MECOM: variants seen among roughly 807,000 people sequenced by gnomAD.
MECOM encodes the protein histone-lysine N-methyltransferase MECOM.
A neutral mutation model predicts 116.3 loss-of-function variants in MECOM; 13 were observed. That is an observed-to-expected ratio of 0.11 (90% CI 0.07 to 0.18). The LOEUF (loss-of-function observed/expected upper bound fraction) is 0.18. Ranked by LOEUF, MECOM falls within the 10% of genes least tolerant of loss-of-function variation. The pLI, the probability that MECOM is intolerant of heterozygous loss-of-function variation, is 1.00. For missense variants in MECOM, 1,299 were observed against 1,509.0 expected (o/e 0.86, Z 2.31); for synonymous variants, 528 against 535.2 (o/e 0.99, Z 0.19).
chr3:169,382,849 C>CAAAA (rs1157852145), intron 1 of MECOM, among the ~76,000 whole-genome samples: 32 of 47,130 alleles, frequency 6.8e-4, no homozygotes, highest in Middle Eastern at 0.011. Flanking sequence ...AAGCCCATCT[C>CAAAA]AAAAAAAAAA....
intron 1 of MECOM, among the ~76,000 whole-genome samples, chr3:169,513,227 G>A (rs1285545610): frequency 6.6e-6 from 1 of 152,188 alleles, no homozygotes; most frequent in Non-Finnish European, 1.5e-5. Context: ...AGATTCCAAG[G>A]CTTGGTTTAA....
At chr3:169,389,329 C>T (rs187175485) in intron 1 of MECOM, among the ~76,000 whole-genome samples, 5 of 152,224 alleles carry the variant, frequency 3.3e-5, no homozygotes, top group East Asian at 1.9e-4. Flanking sequence ...AAAGAGCTAA[C>T]GCAAAGACAT....
chr3:169,127,166 T>A (rs993430231), intron 5 of MECOM, among the ~76,000 whole-genome samples: 1 of 152,100 alleles, frequency 6.6e-6, no homozygotes, highest in Non-Finnish European at 1.5e-5. Context: ...AAAAAGTAGG[T>A]TCTAGTGTTG....
intron 1 of MECOM, among the ~76,000 whole-genome samples, chr3:169,590,975 T>G (rs1396290110): frequency 6.6e-6 from 1 of 152,190 alleles, no homozygotes; most frequent in East Asian, 1.9e-4. Context: ...GAGAAAGCAA[T>G]CTGCTTTAGA....
chr3:169,613,342 GT>G (rs1477187877), intron 1 of MECOM, among the ~76,000 whole-genome samples: 1 of 152,154 alleles, frequency 6.6e-6, no homozygotes, highest in African/African-American at 2.4e-5. Flanking sequence ...ACAGCACCTT[GT>G]TTTTAACATC....
At chr3:169,192,772 A>C (rs1390428416) in intron 2 of MECOM, among the ~76,000 whole-genome samples, 1 of 152,078 alleles carries the variant, frequency 6.6e-6, no homozygotes, top group African/African-American at 2.4e-5. Context: ...GCGACCTGTG[A>C]AACTTGCATA....
chr3:169,285,238 GC>G (rs1223729295), intron 2 of MECOM, among the ~76,000 whole-genome samples: 3 of 152,160 alleles, frequency 2.0e-5, no homozygotes, highest in Non-Finnish European at 4.4e-5. Context: ...ACAGACACAG[GC>G]TGGACAATAA....
At chr3:169,128,914 C>G (rs183860114) in intron 4 of MECOM, among the ~76,000 whole-genome samples, 1 of 152,084 alleles carries the variant, frequency 6.6e-6, no homozygotes, top group Non-Finnish European at 1.5e-5. Flanking sequence ...AGCCACACTC[C>G]GCACAGATCA....
chr3:169,344,773 G>C (rs575615227), intron 2 of MECOM, among the ~76,000 whole-genome samples: 56 of 152,296 alleles, frequency 3.7e-4, no homozygotes, highest in African/African-American at 1.3e-3. Flanking sequence ...TCTGAAATTT[G>C]AGGAGCAATT....
At chr3:169,307,369 C>T (rs550751751) in intron 2 of MECOM, among the ~76,000 whole-genome samples, 17 of 152,050 alleles carry the variant, frequency 1.1e-4, no homozygotes, top group Non-Finnish European at 2.2e-4. Flanking sequence ...ATCACTTGAA[C>T]CCAGGAATTT....
chr3:169,494,090 T>C (rs1279059124), intron 1 of MECOM, among the ~76,000 whole-genome samples: 1 of 152,036 alleles, frequency 6.6e-6, no homozygotes, highest in East Asian at 1.9e-4. Context: ...TACAGCCTTC[T>C]CATAACATGT....
chr3:169,389,250 A>G (rs1436178030), intron 1 of MECOM, among the ~76,000 whole-genome samples: 2 of 152,222 alleles, frequency 1.3e-5, no homozygotes, highest in African/African-American at 2.4e-5. Context: ...AAGGTAATGG[A>G]AAGAAATTGC....
chr3:169,242,854 GC>G (rs1755059425), intron 2 of MECOM, among the ~76,000 whole-genome samples: 2 of 143,604 alleles, frequency 1.4e-5, no homozygotes, highest in African/African-American at 5.2e-5. Context: ...TAGACTGCTT[GC>G]TTTTTTTTTT....
chr3:169,629,987 C>G (rs913909802), intron 1 of MECOM, among the ~76,000 whole-genome samples: 2 of 152,214 alleles, frequency 1.3e-5, no homozygotes, highest in East Asian at 3.9e-4. Context: ...TTCTGCGGAG[C>G]CCTGCCAAGG....
At chr3:169,565,935 TAA>T (rs1307014404) in intron 1 of MECOM, 55 of 445,630 alleles carry the variant, frequency 1.2e-4, no homozygotes, top group South Asian at 7.8e-4. Context: ...TGAGACTGGG[TAA>T]TTTATAAAGA....
intron 2 of MECOM, among the ~76,000 whole-genome samples, chr3:169,373,371 G>A (rs1322553974): frequency 6.6e-6 from 1 of 151,718 alleles, no homozygotes; most frequent in African/African-American, 2.4e-5. Flanking sequence ...ATAAACAAAG[G>A]ATTTTCCAAA....
chr3:169,366,723 G>T (rs1160940001), intron 2 of MECOM, among the ~76,000 whole-genome samples: 2 of 152,008 alleles, frequency 1.3e-5, no homozygotes, highest in African/African-American at 4.8e-5. Flanking sequence ...AACAAATCAT[G>T]CACACCTGTG....
intron 1 of MECOM, among the ~76,000 whole-genome samples, chr3:169,557,825 A>G (rs549554172): frequency 6.6e-6 from 1 of 152,306 alleles, no homozygotes; most frequent in East Asian, 1.9e-4. Context: ...ATTTATCCCC[A>G]CCATTATAAC....
intron 1 of MECOM, among the ~76,000 whole-genome samples, chr3:169,413,092 C>A (rs1437392457): frequency 1.3e-5 from 2 of 152,230 alleles, no homozygotes; most frequent in East Asian, 3.8e-4. Flanking sequence ...CAGCTCTGAT[C>A]TGCAGCTCCC....
Sources: allele counts gnomAD v4.1 joint callset (sites outside exome capture counted in the v4.1 genomes callset), GRCh38; gene constraint gnomAD v4.1.1; transcripts MANE v1.5; gene names NCBI Gene and HGNC (gene_info 2026-07-23, HGNC 2026-07-21).